ACVR1: variants seen among roughly 807,000 people sequenced by gnomAD.
The protein encoded by ACVR1 is activin receptor type-1.
In ACVR1, 38 loss-of-function variants were observed where a neutral mutation model predicts 57.1. The ratio of observed to expected loss-of-function variants is 0.67; its 90% CI spans 0.51 to 0.87. The LOEUF is 0.87. Ranked by LOEUF, ACVR1 falls within the 40% of genes least tolerant of loss-of-function variation. The pLI is 0.00. For synonymous variants in ACVR1, 212 were observed against 228.1 expected, an observed-to-expected ratio of 0.93 and a Z score of 0.63; for missense variants, 463 against 638.2, an observed-to-expected ratio of 0.73 and a Z score of 2.96.
intron 8 of ACVR1, among the ~76,000 whole-genome samples, chr2:157,764,251 C>G (rs1055553823): frequency 2.0e-5 from 3 of 151,994 alleles, no homozygotes; most frequent in Non-Finnish European, 2.9e-5. Flanking sequence ...AGCGCGACCT[C>G]GGCTCACTGC....
intron 2 of ACVR1, among the ~76,000 whole-genome samples, chr2:157,803,871 A>AAAAAAAAACAG (rs1433519585): frequency 6.6e-6 from 1 of 151,914 alleles, no homozygotes; most frequent in African/African-American, 2.4e-5. Context: ...TTTTTAAAAT[A>AAAAAAAAACAG]TTATATTCAT....
At chr2:157,795,377 AACACACACACACACAC>A (rs4029027) in intron 3 of ACVR1, among the ~76,000 whole-genome samples, 50 of 134,194 alleles carry the variant, frequency 3.7e-4, no homozygotes, top group East Asian at 1.1e-3. Flanking sequence ...CCTTCCATAG[AACACACACACACACAC>A]ACACACACAC....
chr2:157,740,559 T>C (rs1046187152), intron 9 of ACVR1, among the ~76,000 whole-genome samples: 1 of 152,242 alleles, frequency 6.6e-6, no homozygotes, highest in Non-Finnish European at 1.5e-5. Context: ...ATATATTTAA[T>C]AGCCTGGCTT....
At chr2:157,813,372 C>G (rs147850186) in intron 2 of ACVR1, among the ~76,000 whole-genome samples, 2 of 152,228 alleles carry the variant, frequency 1.3e-5, no homozygotes, top group African/African-American at 2.4e-5. Context: ...GAATGACTAG[C>G]CAATATGGCA....
intron 2 of ACVR1, among the ~76,000 whole-genome samples, chr2:157,818,134 A>C (rs1394976247): frequency 6.6e-6 from 1 of 152,228 alleles, no homozygotes; most frequent in Non-Finnish European, 1.5e-5. Context: ...AATTTAAAGA[A>C]TAGCTGTGCA....
intron 9 of ACVR1, among the ~76,000 whole-genome samples, chr2:157,749,741 C>A (rs1685108180): frequency 6.6e-6 from 1 of 152,234 alleles, no homozygotes; most frequent in Admixed American, 6.5e-5. Context: ...CCACTCACCT[C>A]TAGGGCCCAA....
At chr2:157,816,336 AGCTATGGG>A (rs1465800853) in intron 2 of ACVR1, among the ~76,000 whole-genome samples, 1 of 151,840 alleles carries the variant, frequency 6.6e-6, no homozygotes, top group African/African-American at 2.4e-5. Flanking sequence ...TAAAATATAA[AGCTATGGG>A]GGGCTAAGGC....
intron 2 of ACVR1, among the ~76,000 whole-genome samples, chr2:157,816,603 G>A (rs1182436790): frequency 6.7e-6 from 1 of 150,370 alleles, no homozygotes; most frequent in East Asian, 1.9e-4. Flanking sequence ...CCTCAAAATA[G>A]TAATAATAAT....
At chr2:157,846,111 C>T (rs375334376) in intron 1 of ACVR1, among the ~76,000 whole-genome samples, 5 of 152,180 alleles carry the variant, frequency 3.3e-5, no homozygotes, top group South Asian at 2.1e-4. Flanking sequence ...CTGGATTATC[C>T]GGGTAGGCCC....
At chr2:157,752,150 A>G (rs557155293) in intron 9 of ACVR1, among the ~76,000 whole-genome samples, 1 of 152,270 alleles carries the variant, frequency 6.6e-6, no homozygotes, top group Non-Finnish European at 1.5e-5. Context: ...GACACCCCCC[A>G]ATACCACCTG....
chr2:157,802,635 C>A (rs1316064425), intron 2 of ACVR1, among the ~76,000 whole-genome samples: 1 of 152,164 alleles, frequency 6.6e-6, no homozygotes, highest in Non-Finnish European at 1.5e-5. Context: ...CCTACTCATC[C>A]CGTAAGTCTC....
intron 9 of ACVR1, among the ~76,000 whole-genome samples, chr2:157,739,046 C>A (rs1414328908): frequency 2.0e-5 from 3 of 152,270 alleles, no homozygotes; most frequent in East Asian, 1.9e-4. Context: ...TCAAAATACC[C>A]CTTTCTTTGT....
At chr2:157,749,684 C>T (rs1685105478) in intron 9 of ACVR1, among the ~76,000 whole-genome samples, 1 of 152,196 alleles carries the variant, frequency 6.6e-6, no homozygotes, top group African/African-American at 2.4e-5. Context: ...ACCTACTATC[C>T]CTGGTGTCTA....
At chr2:157,809,046 C>T (rs1160172754) in intron 2 of ACVR1, among the ~76,000 whole-genome samples, 1 of 152,130 alleles carries the variant, frequency 6.6e-6, no homozygotes, top group Non-Finnish European at 1.5e-5. Context: ...TTTAAATAGA[C>T]CAGCAGCAGC....
At chr2:157,822,921 G>A (rs528095747) in intron 1 of ACVR1, among the ~76,000 whole-genome samples, 89 of 152,152 alleles carry the variant, frequency 5.8e-4, no homozygotes, top group Non-Finnish European at 9.3e-4. Flanking sequence ...ACACAGATTC[G>A]TATGTTGAAG....
intron 9 of ACVR1, 147 bp from the exon 10 acceptor site, chr2:157,738,717 G>C: frequency 1.7e-6 from 2 of 1,191,158 alleles, no homozygotes; most frequent in Non-Finnish European, 2.5e-6. Flanking sequence ...GGAAGCTAGA[G>C]GTAGGTCCTA....
intron 1 of ACVR1, among the ~76,000 whole-genome samples, chr2:157,867,003 A>C (rs759589933): frequency 6.6e-6 from 1 of 152,152 alleles, no homozygotes; most frequent in African/African-American, 2.4e-5. Flanking sequence ...CTATCTCCAG[A>C]GTTTCAGTTC....
intron 1 of ACVR1, among the ~76,000 whole-genome samples, chr2:157,859,239 T>C (rs1198318826): frequency 1.3e-5 from 2 of 152,180 alleles, no homozygotes; most frequent in South Asian, 2.1e-4. Context: ...AAAACCAAGA[T>C]GGTGACGAGA....
chr2:157,874,332 T>C (rs747719950), intron 1 of ACVR1, among the ~76,000 whole-genome samples: 1 of 152,198 alleles, frequency 6.6e-6, no homozygotes, highest in Non-Finnish European at 1.5e-5. Context: ...CGAGGTCCCA[T>C]CCAGGCATAA....
Sources: gnomAD v4.1 joint callset for allele counts (sites outside exome capture counted in the v4.1 genomes callset) on GRCh38, gnomAD v4.1.1 for gene constraint, MANE v1.5 for transcripts, NCBI Gene and HGNC (gene_info 2026-07-23, HGNC 2026-07-21) for gene names.